INTS3: variants seen among roughly 807,000 people sequenced by gnomAD.
The protein encoded by INTS3 is SOSS complex subunit A.
INTS3 carries 34 observed loss-of-function variants against 146.3 expected under a neutral mutation model. That is an observed-to-expected ratio of 0.23 (90% CI 0.18 to 0.31). The LOEUF (loss-of-function observed/expected upper bound fraction) is 0.31, where lower values mean the gene tolerates loss of function less well. Among genes scored for constraint, INTS3 ranks in the 10% least tolerant of loss-of-function variants. The probability of loss-of-function intolerance (pLI) is 1.00; values close to 1 mark genes in which losing one functional copy is unlikely to be tolerated. For missense variants in INTS3, 757 were observed against 1,304.2 expected, an observed-to-expected ratio of 0.58 and a Z score of 6.46; for synonymous variants, 475 against 494.9, an observed-to-expected ratio of 0.96 and a Z score of 0.53.
Position 153,759,483 on chromosome 1 carries a change from G to A in INTS3, c.1150-43G>A, listed in dbSNP as rs747625602. 5 of 1,282,778 alleles carry A rather than the reference G, an allele frequency of 3.9e-6. No homozygotes were observed. In the South Asian group the frequency reaches 4.7e-5, roughly 12 times the overall value. 79.5% of individuals were successfully genotyped at this position (1,282,778 alleles called of 1,614,324 possible). ...TTGGGACTCTGAAATGGAGGGGGGT[G>A]ATTGATGAAACTAGCCCTCTGTTTC... is the stretch of plus-strand genomic sequence containing the variant. On this transcript the variant is annotated intron_variant, in intron 10 of 29. Coordinates refer to ENST00000318967, the MANE Select transcript of INTS3 (RefSeq NM_023015.5).
At chr1:153,736,832 C>T (rs1346584929) in intron 1 of INTS3, among the ~76,000 whole-genome samples, 2 of 141,162 alleles carry the variant, frequency 1.4e-5, no homozygotes, top group Non-Finnish European at 3.0e-5. Flanking sequence ...GGCACAATCT[C>T]GGCTCACTGC....
chr1:153,728,140 C>T lies in INTS3; in HGVS notation c.-495C>T, dbSNP rs1670916843. 2.5e-6 allele frequency: 1 copy of T among 395,126 alleles called. No individual in the cohort carries two copies. Among genetic ancestry groups the T allele is most frequent in the Non-Finnish European group, 4.5e-6 (1 of 224,352 alleles). The allele number at this position is 395,126 out of a possible 1,614,324, so 24.5% of individuals were successfully genotyped here. A position where few individuals can be genotyped will look rare whatever the true frequency, so the allele number is the denominator to read the frequency against. On this transcript the variant is annotated 5_prime_UTR_variant, in exon 1 of 30. Transcript: ENST00000318967. ...CCCGTCCTCCCATAGCGCTTATTGCCTCACCCTCACCCCCTAGGGGCCGGA... is the reference window on the plus strand; with the variant it reads ...CCCGTCCTCCCATAGCGCTTATTGCTTCACCCTCACCCCCTAGGGGCCGGA...
At position 153,745,304 on chromosome 1, in the gene INTS3, G is replaced by A. The variant is rs143746234; in HGVS notation, c.319-1653G>A. Among the ~76,000 whole-genome samples, 710 of 151,866 alleles carry A rather than the reference G, an allele frequency of 4.7e-3. 3 individuals are homozygous for A. Among genetic ancestry groups the A allele is most frequent in the Middle Eastern group, 0.01 (3 of 294 alleles). ...CCCTTGTAGTTGGGACTACAGGCAC[G>A]TGCCACCACACGTAGCTAATTTTTG... is the stretch of plus-strand genomic sequence containing the variant. On this transcript the variant is annotated intron_variant, in intron 3 of 29. Transcript: ENST00000318967.
chr1:153,754,081 G>A lies in INTS3; in HGVS notation c.860-561G>A, dbSNP rs1180821013. Among the ~76,000 whole-genome samples the A allele has an allele frequency of 4.6e-5, 7 of 151,810 alleles. 1 individual carries two copies. The highest frequency in any genetic ancestry group is 3.4e-3 in the Middle Eastern group (1 of 292). On this transcript the variant is annotated intron_variant, in intron 8 of 29. Transcript: ENST00000318967. ...CTCCCAAGGTGCTAGGATTACAGGT[G>A]TGAGCCACCATGCTGGTCTTTTAAA...
chr1:153,760,982 A>C lies in INTS3; in HGVS notation c.1409+64A>C, dbSNP rs1672363230. The C allele has an allele frequency of 4.4e-6, 7 of 1,585,574 alleles. No individual in the cohort carries two copies. In the Admixed American group the frequency reaches 1.2e-4, roughly 27 times the overall value. On this transcript the variant is annotated intron_variant, in intron 13 of 29. Coordinates refer to ENST00000318967, the MANE Select transcript of INTS3 (RefSeq NM_023015.5). ...TTTTCATTAGGTCCAGGTGTATCCAAATGTTGCCATAGCACTGCTGGCCCT... is the reference window on the plus strand; with the variant it reads ...TTTTCATTAGGTCCAGGTGTATCCACATGTTGCCATAGCACTGCTGGCCCT...
chr1:153,754,513 T>C, intron 8 of INTS3, 129 bp from the exon 9 acceptor site: 1 of 742,292 alleles, frequency 1.3e-6, no homozygotes, highest in Non-Finnish European at 2.4e-6. Context: ...CCTCCCTTGG[T>C]CTTGTCTTGG....
At chr1:153,755,085 C>T (rs988733404) in intron 9 of INTS3, among the ~76,000 whole-genome samples, 5 of 152,150 alleles carry the variant, frequency 3.3e-5, no homozygotes, top group South Asian at 2.1e-4. Flanking sequence ...AAAGTGTTCA[C>T]GCTAAGAAAC....
intron 1 of INTS3, among the ~76,000 whole-genome samples, chr1:153,738,893 CTTT>C (rs59978263): frequency 5.9e-5 from 8 of 135,026 alleles, no homozygotes; most frequent in African/African-American, 1.1e-4. Flanking sequence ...TATTAAGTGT[CTTT>C]TTTTTTTTTT....
chr1:153,771,696 G>A (rs1672876726), intron 25 of INTS3, 100 bp from the exon 26 acceptor site: 2 of 1,121,806 alleles, frequency 1.8e-6, no homozygotes, highest in Admixed American at 4.0e-5. Flanking sequence ...GAGAGTAGTG[G>A]GTGGGTGGGG....
chr1:153,728,809 G>T, intron 1 of INTS3, 25 bp downstream of exon 1: 1 of 1,307,526 alleles, frequency 7.6e-7, no homozygotes, highest in Non-Finnish European at 1.0e-6. Flanking sequence ...AGGGAAGGGA[G>T]TTAAGAAATT....
intron 23 of INTS3, 128 bp downstream of exon 23, chr1:153,769,972 C>T: frequency 1.3e-6 from 1 of 742,616 alleles, no homozygotes; most frequent in South Asian, 1.6e-5. Flanking sequence ...TGTACTCCAC[C>T]CTGGTGCGGT....
chr1:153,763,105 A>G, intron 15 of INTS3, 128 bp from the exon 16 acceptor site: 1 of 1,236,248 alleles, frequency 8.1e-7, no homozygotes. Context: ...TGCTTCAGGC[A>G]CTCACACAGC....
rs1207272281 is a variant in INTS3, at chr1:153,751,088, C to T, written c.585-7C>T. On this transcript the variant is annotated splice_polypyrimidine_tract_variant and splice_region_variant and intron_variant, in intron 6 of 29. Coordinates refer to ENST00000318967, the MANE Select transcript of INTS3 (RefSeq NM_023015.5). ...AGCATAGGAGCCAGTGTGTTTCCTC[C>T]CTGCAGGGAGTGGGTCCTGAAGAGC... 6.2e-7 allele frequency: 1 copy of T among 1,613,944 alleles called. No individual in the cohort carries two copies. Among genetic ancestry groups the T allele is most frequent in the East Asian group, 2.2e-5 (1 of 44,882 alleles).
chr1:153,729,713 A>G (rs1670993233), intron 1 of INTS3, among the ~76,000 whole-genome samples: 1 of 152,078 alleles, frequency 6.6e-6, no homozygotes, highest in African/African-American at 2.4e-5. Context: ...TAAAAATGCA[A>G]AAATTAGCTG....
Position 153,728,451 on chromosome 1 carries a change from C to G in INTS3, c.-184C>G. 1.5e-6 allele frequency: 1 copy of G among 659,584 alleles called. No homozygotes were observed. Among genetic ancestry groups the G allele is most frequent in the South Asian group, 2.2e-5 (1 of 46,082 alleles). The allele number at this position is 659,584 out of a possible 1,614,324, so 40.9% of individuals were successfully genotyped here. A position where few individuals can be genotyped will look rare whatever the true frequency, so the allele number is the denominator to read the frequency against. ...AGAGTCAGGACCCAGAGGACTGTGC[C>G]TTCGCCCCCAACGCAGGCGCGGCCT... On this transcript the variant is annotated 5_prime_UTR_variant, in exon 1 of 30. Coordinates refer to ENST00000318967, the MANE Select transcript of INTS3 (RefSeq NM_023015.5).
chr1:153,764,842 CAT>C (rs1672516177), intron 19 of INTS3, 100 bp from the exon 20 acceptor site: 2 of 1,544,086 alleles, frequency 1.3e-6, no homozygotes, highest in Admixed American at 3.3e-5. Context: ...GGGAGGAGGA[CAT>C]ATGCTGTGGG....
intron 7 of INTS3, 95 bp from the exon 8 acceptor site, chr1:153,752,184 C>A: frequency 8.1e-7 from 1 of 1,240,454 alleles, no homozygotes; most frequent in Non-Finnish European, 1.2e-6. Context: ...TCCTTCCCTC[C>A]CTAGAACATG....
chr1:153,770,069 G>T lies in INTS3; in HGVS notation c.2390-129G>T, dbSNP rs1328573404. On this transcript the variant is annotated intron_variant, in intron 23 of 29. Transcript: ENST00000318967. ...AGTCAGTGGATTGGGGTGTGTGTGT[G>T]TGTGTGTGTGTGTGTGTGTGTGTGT... is the stretch of plus-strand genomic sequence containing the variant. 12 of 397,462 alleles carry T rather than the reference G, an allele frequency of 3.0e-5. No homozygotes were observed. In the African/African-American group the frequency reaches 4.1e-4, roughly 14 times the overall value. 24.6% of individuals were successfully genotyped at this position (397,462 alleles called of 1,614,324 possible).
intron 1 of INTS3, 134 bp downstream of exon 1, chr1:153,728,918 T>A: frequency 3.4e-6 from 2 of 595,722 alleles, no homozygotes; most frequent in East Asian, 3.5e-5. Context: ...ACACAAACAC[T>A]GCTCCAGCTT....
Sources: gnomAD v4.1 joint callset for allele counts (sites outside exome capture counted in the v4.1 genomes callset) on GRCh38, gnomAD v4.1.1 for gene constraint, MANE v1.5 for transcripts, NCBI Gene and HGNC (gene_info 2026-07-23, HGNC 2026-07-21) for gene names.